Variants in SPON1 observed in about 807,000 individuals in gnomAD.
SPON1 encodes spondin 1, also known as spondin-1.
Under a neutral mutation model 111.7 loss-of-function variants are expected in SPON1, and 52 were observed. The ratio of observed to expected loss-of-function variants is 0.47; its 90% CI spans 0.37 to 0.59. The LOEUF (loss-of-function observed/expected upper bound fraction) is 0.59. Ranked by LOEUF, SPON1 falls within the 20% of genes least tolerant of loss-of-function variation. The pLI is 0.00. For synonymous variants in SPON1, 410 were observed against 395.8 expected (o/e 1.04, Z -0.43); for missense variants, 957 against 1,068.5 (o/e 0.90, Z 1.46).
intron 6 of SPON1, among the ~76,000 whole-genome samples, chr11:14,201,701 T>A (rs1454173345): frequency 6.6e-6 from 1 of 152,186 alleles, no homozygotes; most frequent in Non-Finnish European, 1.5e-5. Context: ...CCCAGCCTAG[T>A]TTGAAATTTA....
rs1331398176 is a variant in SPON1, at chr11:14,075,409, T to C, written c.544T>C (p.Cys182Arg). 1 of 1,557,602 alleles carries C rather than the reference T, an allele frequency of 6.4e-7. No individual in the cohort carries two copies. The change falls in exon 4 of 16, where the codon TGT (cysteine) becomes CGT (arginine). Residue 182 changes from cysteine (C) to arginine (R), a missense_variant. This residue lies in a region of SPON1 where 262 missense variants were observed against 253.9 expected (regional missense o/e 1.03). Transcript: ENST00000576479. Reference protein sequence around the residue: ...QDEGSLTKKLCEQDSTFDGVT... With the variant: ...QDEGSLTKKLREQDSTFDGVT... Reference sequence around the variant, plus strand: ...TGAGGGCTCTCTGACCAAGAAACTTTGTGAACAAGGTAAGACCCTGTGGGT... The same window carrying C: ...TGAGGGCTCTCTGACCAAGAAACTTCGTGAACAAGGTAAGACCCTGTGGGT...
chr11:14,250,249 C>A (rs782106448), intron 7 of SPON1, among the ~76,000 whole-genome samples: 3 of 151,886 alleles, frequency 2.0e-5, no homozygotes, highest in Non-Finnish European at 2.9e-5. Context: ...TAATTCAATT[C>A]TTTTCTTTAT....
rs1847914052 is a variant in SPON1, at chr11:14,160,607, T to TTTACA, written c.825+25040_825+25041insTACAT. Among the ~76,000 whole-genome samples the TTTACA allele has an allele frequency of 1.6e-4, 3 of 19,338 alleles. 1 individual carries two copies. The highest frequency in any genetic ancestry group is 2.7e-4 in the Non-Finnish European group (3 of 11,254). The allele number at this position is 19,338 out of a possible 152,430, so 12.7% of individuals were successfully genotyped here. ...TTTACATATATATATTTATATATAT[T>TTTACA]TATATATATTTATATATATATTTAT... On this transcript the variant is annotated intron_variant, in intron 6 of 15. Transcript: ENST00000576479.
chr11:14,224,730 A>G (rs1554937954), intron 6 of SPON1: 1 of 503,080 alleles, frequency 2.0e-6, no homozygotes, highest in South Asian at 1.5e-5. Context: ...CATAAAGGAT[A>G]CACATAAGGG....
intron 6 of SPON1, among the ~76,000 whole-genome samples, chr11:14,177,184 G>A (rs1466806844): frequency 6.6e-6 from 1 of 152,142 alleles, no homozygotes; most frequent in Non-Finnish European, 1.5e-5. Context: ...GGGACTACAG[G>A]CGCCCACCAC....
chr11:14,252,687 G>A (rs1849065642), intron 7 of SPON1, among the ~76,000 whole-genome samples: 3 of 152,008 alleles, frequency 2.0e-5, no homozygotes, highest in Admixed American at 2.0e-4. Flanking sequence ...TGCCTCAGCT[G>A]AAGGCAAGAC....
rs1016790966 is a variant in SPON1, at chr11:14,228,768, C to T, written c.826-14564C>T. On this transcript the variant is annotated intron_variant, in intron 6 of 15. Transcript: ENST00000576479. The surrounding 1 kb of genome is among the most constrained non-coding windows in gnomAD (Gnocchi z 4.2). ...AGCGTCACATTGTCTTCCACACTAA[C>T]GCACAATAAAGTTGTATAGGGCAAC... Among the ~76,000 whole-genome samples, 11 of 152,206 alleles carry T rather than the reference C, an allele frequency of 7.2e-5. No individual in the cohort carries two copies. Among genetic ancestry groups the T allele is most frequent in the Non-Finnish European group, 8.8e-5 (6 of 68,036 alleles).
chr11:14,084,381 G>A (rs1848989018), intron 5 of SPON1, among the ~76,000 whole-genome samples: 1 of 152,132 alleles, frequency 6.6e-6, no homozygotes, highest in Non-Finnish European at 1.5e-5. Flanking sequence ...TCCCACTTAC[G>A]AGTGAGAACA....
intron 6 of SPON1, among the ~76,000 whole-genome samples, chr11:14,176,067 T>G (rs556354842): frequency 6.6e-6 from 1 of 152,220 alleles, no homozygotes; most frequent in East Asian, 1.9e-4. Flanking sequence ...GGGTAATTCA[T>G]ATTGGGGTCT....
intron 7 of SPON1, among the ~76,000 whole-genome samples, chr11:14,251,356 G>A (rs1849051217): frequency 6.6e-6 from 1 of 152,218 alleles, no homozygotes; most frequent in South Asian, 2.1e-4. Flanking sequence ...AGGGTCTAGA[G>A]GGTATCTCGC....
intron 6 of SPON1, among the ~76,000 whole-genome samples, chr11:14,185,532 A>T (rs1848277241): frequency 6.6e-6 from 1 of 152,270 alleles, no homozygotes; most frequent in Non-Finnish European, 1.5e-5. Context: ...AATGTTAGTT[A>T]AACCTGAGTC....
chr11:14,118,586 G>T (rs1849282553), intron 5 of SPON1, among the ~76,000 whole-genome samples: 1 of 152,144 alleles, frequency 6.6e-6, no homozygotes, highest in Non-Finnish European at 1.5e-5. Flanking sequence ...GGGCTGGGAA[G>T]GCTGAGTCCA....
rs1241180615 is a variant in SPON1 at position 14,256,701 on chromosome 11, T to C, written c.1309+9T>C. 1.9e-6 allele frequency: 3 copies of C among 1,610,044 alleles called. No homozygotes were observed. In the African/African-American group the frequency reaches 4.0e-5, roughly 21 times the overall value. ...AGAAGAGAAAGATGAAGGTACGTTG[T>C]TTTCTTTTGTTGCAGGTGGCAACAT... is the stretch of plus-strand genomic sequence containing the variant. On this transcript the variant is annotated intron_variant, in intron 10 of 15. Coordinates refer to ENST00000576479, the MANE Select transcript of SPON1 (RefSeq NM_006108.4).
chr11:14,114,525 C>T (rs1849252250), intron 5 of SPON1, among the ~76,000 whole-genome samples: 3 of 152,220 alleles, frequency 2.0e-5, no homozygotes, highest in African/African-American at 4.8e-5. Context: ...GCTCCACATC[C>T]GTCCAGGTTC....
At chr11:14,129,387 C>T (rs188577579) in intron 5 of SPON1, among the ~76,000 whole-genome samples, 1 of 152,302 alleles carries the variant, frequency 6.6e-6, no homozygotes, top group African/African-American at 2.4e-5. Context: ...GAAAGTTCCA[C>T]AGATCTCTAG....
chr11:14,137,651 G>T (rs1384233532), intron 6 of SPON1, among the ~76,000 whole-genome samples: 3 of 152,140 alleles, frequency 2.0e-5, no homozygotes, highest in African/African-American at 7.2e-5. Context: ...CATATAATCT[G>T]CTCCGTGTAA....
At chr11:14,028,731 C>T (rs1848537420) in intron 2 of SPON1, among the ~76,000 whole-genome samples, 1 of 152,162 alleles carries the variant, frequency 6.6e-6, no homozygotes, top group South Asian at 2.1e-4. Flanking sequence ...GCTCTGTACA[C>T]AGGACATCTT....
At chr11:14,090,465 T>G (rs1268614166) in intron 5 of SPON1, among the ~76,000 whole-genome samples, 1 of 152,104 alleles carries the variant, frequency 6.6e-6, no homozygotes, top group African/African-American at 2.4e-5. Flanking sequence ...TAAGGTGGTG[T>G]GTCTGGAGTC....
intron 7 of SPON1, among the ~76,000 whole-genome samples, chr11:14,244,077 T>C (rs569540570): frequency 6.6e-6 from 1 of 152,334 alleles, no homozygotes; most frequent in Admixed American, 6.5e-5. Flanking sequence ...TTCTGCCTTC[T>C]GGGCAGCTCA....
Sources: allele counts gnomAD v4.1 joint callset (sites outside exome capture counted in the v4.1 genomes callset), GRCh38; gene constraint gnomAD v4.1.1; regional missense constraint gnomAD v4.1.1; non-coding constraint Gnocchi (gnomAD v3.1); transcripts MANE v1.5; gene names NCBI Gene and HGNC (gene_info 2026-07-23, HGNC 2026-07-21).